ACAD9: variants seen among roughly 807,000 people sequenced by gnomAD.
The protein encoded by ACAD9 is complex I assembly factor ACAD9, mitochondrial.
Under a neutral mutation model 70.2 loss-of-function variants are expected in ACAD9, and 53 were observed. The observed-to-expected ratio is 0.75, with a 90% CI of 0.61 to 0.95. ACAD9 has a LOEUF of 0.95. ACAD9 is among the 40% of genes least tolerant of loss of function. ACAD9 has a pLI of 0.00. For missense variants in ACAD9, 777 were observed against 802.8 expected (o/e 0.97, Z 0.39); for synonymous variants, 313 against 312.1 (o/e 1.00, Z -0.03).
intron 2 of ACAD9, among the ~76,000 whole-genome samples, chr3:128,890,434 G>A (rs892076592): frequency 1.3e-5 from 2 of 152,088 alleles, no homozygotes; most frequent in Non-Finnish European, 1.5e-5. Context: ...TGGGCGCAGT[G>A]GCTCATGCCT....
At chr3:128,891,452 C>T (rs1282800010) in intron 2 of ACAD9, among the ~76,000 whole-genome samples, 1 of 152,158 alleles carries the variant, frequency 6.6e-6, no homozygotes, top group Non-Finnish European at 1.5e-5. Flanking sequence ...GAAACCCCGT[C>T]TCTACCAAAA....
chr3:128,905,494 C>A lies in ACAD9; in HGVS notation c.1150-627C>A, dbSNP rs367990811. 2.6e-5 allele frequency among the ~76,000 whole-genome samples: 4 copies of A among 152,306 alleles called. No homozygotes were observed. The East Asian group carries it at 7.7e-4, about 29-fold the overall frequency. On this transcript the variant is annotated intron_variant, in intron 11 of 17. Coordinates refer to ENST00000308982, the MANE Select transcript of ACAD9 (RefSeq NM_014049.5). Reference sequence around the variant, plus strand: ...ATGGCAGCTTACAGAAGCAAACATCCTGGTGTCGGCAGGAGAGTCTACCTA... The same window carrying A: ...ATGGCAGCTTACAGAAGCAAACATCATGGTGTCGGCAGGAGAGTCTACCTA...
intron 1 of ACAD9, among the ~76,000 whole-genome samples, chr3:128,881,229 C>G (rs959562479): frequency 6.6e-6 from 1 of 152,222 alleles, no homozygotes; most frequent in African/African-American, 2.4e-5. Context: ...GGTGCTCTAT[C>G]CTGGGACTTC....
intron 2 of ACAD9, among the ~76,000 whole-genome samples, chr3:128,891,847 T>C (rs1470365003): frequency 3.3e-5 from 5 of 152,262 alleles, no homozygotes; most frequent in Non-Finnish European, 7.3e-5. Flanking sequence ...TTTATTTATG[T>C]AGTTTTTTGC....
intron 6 of ACAD9, among the ~76,000 whole-genome samples, chr3:128,899,023 GC>G (rs1329373625): frequency 6.6e-6 from 1 of 152,144 alleles, no homozygotes. Flanking sequence ...TGGAGCCTGA[GC>G]TGTCTGACAA....
At chr3:128,885,726 A>AT (rs1313940929) in intron 2 of ACAD9, among the ~76,000 whole-genome samples, 2 of 151,498 alleles carry the variant, frequency 1.3e-5, no homozygotes, top group Admixed American at 6.6e-5. Context: ...AATTTAAAAT[A>AT]TACTGTGGGG....
At chr3:128,898,037 A>T (rs1939966225) in intron 6 of ACAD9, among the ~76,000 whole-genome samples, 2 of 152,010 alleles carry the variant, frequency 1.3e-5, no homozygotes, top group South Asian at 4.1e-4. Context: ...TTGTATTTTC[A>T]GTAGAGATGG....
intron 2 of ACAD9, 30 bp downstream of exon 2, chr3:128,884,776 T>G (rs1468439063): frequency 6.6e-7 from 1 of 1,514,766 alleles, no homozygotes; most frequent in South Asian, 1.1e-5. Context: ...CCATTGCCGA[T>G]TTCCATTGTA....
chr3:128,905,977 A>C (rs1293554944), intron 11 of ACAD9, 144 bp from the exon 12 acceptor site: 1 of 1,102,726 alleles, frequency 9.1e-7, no homozygotes, highest in African/African-American at 1.5e-5. Flanking sequence ...CACGGAAGGC[A>C]AAGGACTTGA....
intron 2 of ACAD9, 54 bp from the exon 3 acceptor site, chr3:128,893,501 A>G (rs750116750): frequency 3.7e-6 from 5 of 1,358,884 alleles, no homozygotes; most frequent in Non-Finnish European, 5.3e-6. Flanking sequence ...CTGTTTACTT[A>G]TATTTGTAGA....
intron 11 of ACAD9, among the ~76,000 whole-genome samples, chr3:128,905,197 G>A (rs1935854148): frequency 2.0e-5 from 3 of 152,062 alleles, no homozygotes; most frequent in African/African-American, 2.4e-5. Context: ...GCAACATGGC[G>A]AAACCCCATC....
At chr3:128,883,602 C>T (rs1333053079) in intron 1 of ACAD9, among the ~76,000 whole-genome samples, 4 of 151,938 alleles carry the variant, frequency 2.6e-5, no homozygotes, top group Non-Finnish European at 5.9e-5. Context: ...GTGATCCGCC[C>T]GCCTCGGCCT....
intron 12 of ACAD9, 139 bp from the exon 13 acceptor site, chr3:128,908,046 C>G (rs1293997213): frequency 1.2e-6 from 1 of 835,238 alleles, no homozygotes; most frequent in Non-Finnish European, 2.0e-6. Flanking sequence ...GGCCAGAGCC[C>G]TGCTCCCAGC....
At chr3:128,895,507 T>C in intron 4 of ACAD9, 91 bp downstream of exon 4, 1 of 1,202,502 alleles carries the variant, frequency 8.3e-7, no homozygotes, top group Non-Finnish European at 1.2e-6. Context: ...TCCCTCTGAA[T>C]TGGGCCTGAT....
chr3:128,906,622 G>A (rs1251678413), intron 12 of ACAD9, among the ~76,000 whole-genome samples: 1 of 152,208 alleles, frequency 6.6e-6, no homozygotes, highest in African/African-American at 2.4e-5. Flanking sequence ...GGCCCCTAGG[G>A]GCAGAAAGAA....
chr3:128,886,822 G>T (rs1005464856), intron 2 of ACAD9, among the ~76,000 whole-genome samples: 1 of 150,670 alleles, frequency 6.6e-6, no homozygotes, highest in Admixed American at 6.6e-5. Flanking sequence ...CTTATTAGAA[G>T]ACAGCTGGAT....
At chr3:128,881,178 A>C (rs575721482) in intron 1 of ACAD9, among the ~76,000 whole-genome samples, 3 of 152,208 alleles carry the variant, frequency 2.0e-5, no homozygotes, top group Non-Finnish European at 4.4e-5. Flanking sequence ...CTATGTCTTG[A>C]ACATATTGGA....
At chr3:128,883,271 GGCTTTAA>G (rs1488316845) in intron 1 of ACAD9, among the ~76,000 whole-genome samples, 2 of 151,826 alleles carry the variant, frequency 1.3e-5, no homozygotes, top group Non-Finnish European at 2.9e-5. Flanking sequence ...TGAACTCCTG[GGCTTTAA>G]GCAATCCCCC....
intron 13 of ACAD9, 139 bp from the exon 14 acceptor site, chr3:128,908,834 G>A (rs532612768): frequency 7.3e-7 from 1 of 1,374,190 alleles, no homozygotes; most frequent in Non-Finnish European, 1.0e-6. Context: ...GGTTTGGGGG[G>A]GTTCAGGCTG....
Sources: allele counts gnomAD v4.1 joint callset (sites outside exome capture counted in the v4.1 genomes callset), GRCh38; gene constraint gnomAD v4.1.1; transcripts MANE v1.5; gene names NCBI Gene and HGNC (gene_info 2026-07-23, HGNC 2026-07-21).